ADAT3: variants seen among roughly 807,000 people sequenced by gnomAD.
The protein encoded by ADAT3 is tRNA-specific adenosine-34 deaminase regulatory subunit ADAT3.
Under a neutral mutation model 3.5 loss-of-function variants are expected in ADAT3, and 2 were observed. The observed-to-expected ratio is 0.57, with a 90% confidence interval of 0.23 to 1.79. The LOEUF (loss-of-function observed/expected upper bound fraction) is 1.79. Among genes scored for constraint, ADAT3 ranks in the 40% most tolerant of loss-of-function variants. The pLI is 0.18. For missense variants in ADAT3, 735 were observed against 571.4 expected (o/e 1.29, Z -2.92); for synonymous variants, 358 against 270.3 (o/e 1.32, Z -3.18).
In ADAT3 at chr19:1,913,162, C is replaced by G. The variant is rs2013589689; in HGVS notation, c.*11C>G. Reference sequence around the variant, plus strand: ...GACCCCGACACGTAGGCGCCGCCCTCCTGCCTCCGGACCCTTCCCGCTCCC... The same window carrying G: ...GACCCCGACACGTAGGCGCCGCCCTGCTGCCTCCGGACCCTTCCCGCTCCC... On this transcript the variant is annotated 3_prime_UTR_variant, in exon 2 of 2. Coordinates refer to ENST00000329478, the MANE Select transcript of ADAT3 (RefSeq NM_138422.4). The G allele has an allele frequency of 6.6e-7, 1 of 1,525,156 alleles. No individual in the cohort carries two copies. Among genetic ancestry groups the G allele is most frequent in the Admixed American group, 2.0e-5 (1 of 50,010 alleles). The allele number at this position is 1,525,156 out of a possible 1,614,324, so 94.5% of individuals were successfully genotyped here.
intron 1 of ADAT3, among the ~76,000 whole-genome samples, chr19:1,910,993 A>C (rs1040228747): frequency 2.6e-5 from 4 of 151,932 alleles, no homozygotes; most frequent in African/African-American, 7.3e-5. Context: ...TGCAAGCCTC[A>C]GCCTCCCTAG....
intron 1 of ADAT3, among the ~76,000 whole-genome samples, chr19:1,911,413 C>T (rs1435367880): frequency 2.0e-5 from 3 of 152,052 alleles, no homozygotes; most frequent in Non-Finnish European, 4.4e-5. Context: ...CTCAAGTGAT[C>T]CCCCCACCTC....
rs899632590 is a variant in ADAT3 at position 1,912,652 on chromosome 19, G to T, written c.605G>T (p.Arg202Leu). Residue 202 changes from arginine to leucine, a missense_variant, in exon 2 of 2, where the codon CGG becomes CTG. Arg to Leu is a moderately radical substitution (Grantham distance 102). Coordinates refer to ENST00000329478, the MANE Select transcript of ADAT3 (RefSeq NM_138422.4). The stretch of plus-strand genomic sequence containing the variant: ...GAGCGGGCGGTGTGGGCGGCCCGGC[G>T]GGCAGCAGCGCGGGGCTTGCGGGCC... Reference protein sequence around the residue: ...HMERAVWAARRAAARGLRAVG... With the variant: ...HMERAVWAARLAAARGLRAVG... 18 of 1,422,022 alleles carry T rather than the reference G, an allele frequency of 1.3e-5. No individual in the cohort carries two copies. The Middle Eastern group carries it at 7.5e-4, about 59-fold the overall frequency. The allele number at this position is 1,422,022 out of a possible 1,614,324, so 88.1% of individuals were successfully genotyped here.
chr19:1,909,072 T>C (rs2013293792), intron 1 of ADAT3, among the ~76,000 whole-genome samples: 1 of 149,982 alleles, frequency 6.7e-6, no homozygotes, highest in Admixed American at 6.7e-5. Context: ...GCCACTGCAC[T>C]CCAGCCTGGG....
At position 1,912,083 on chromosome 19, in the gene ADAT3, G is replaced by A. The variant is rs546800224; in HGVS notation, c.36G>A (p.Ser12=). Reference sequence around the variant, plus strand: ...GCTCCCGTCTCTGTCTCCCACAGTCGGCCTCGCTGAGGATGGAGCCCGCCC... The same window carrying A: ...GCTCCCGTCTCTGTCTCCCACAGTCAGCCTCGCTGAGGATGGAGCCCGCCC... The part of the protein sequence containing the change: ...ILCSRLCLPQ[S]ASLRMEPAPG... Residue 12 remains serine, a synonymous_variant, in exon 2 of 2, where the codon TCG becomes TCA. Coordinates refer to ENST00000329478, the MANE Select transcript of ADAT3 (RefSeq NM_138422.4). The A allele has an allele frequency of 2.9e-5, 42 of 1,459,360 alleles. No individual in the cohort carries two copies. Among genetic ancestry groups the A allele is most frequent in the Non-Finnish European group, 3.6e-5 (40 of 1,110,420 alleles). 90.4% of individuals were successfully genotyped at this position (1,459,360 alleles called of 1,614,324 possible).
Position 1,912,658 on chromosome 19 carries a change from C to T in ADAT3, c.611C>T (p.Ala204Val). Residue 204 changes from alanine (A) to valine (V), a missense_variant, in exon 2 of 2, where the codon GCA becomes GTA. Physicochemically the swap from Ala to Val is moderately conservative, Grantham distance 64. Coordinates refer to ENST00000329478, the MANE Select transcript of ADAT3 (RefSeq NM_138422.4). The stretch of plus-strand genomic sequence containing the variant: ...GCGGTGTGGGCGGCCCGGCGGGCAG[C>T]AGCGCGGGGCTTGCGGGCCGTGGGG... Reference protein sequence around the residue: ...ERAVWAARRAAARGLRAVGAV... With the variant: ...ERAVWAARRAVARGLRAVGAV... 1 of 1,415,642 alleles carries T rather than the reference C, an allele frequency of 7.1e-7. No individual in the cohort carries two copies. The allele number at this position is 1,415,642 out of a possible 1,614,324, so 87.7% of individuals were successfully genotyped here. A position where few individuals can be genotyped will look rare whatever the true frequency, so the allele number is the denominator to read the frequency against.
At position 1,912,460 on chromosome 19, in the gene ADAT3, A is replaced by C; in HGVS notation, c.413A>C (p.Gln138Pro). 6.6e-7 allele frequency: 1 copy of C among 1,505,348 alleles called. No homozygotes were observed. Among genetic ancestry groups the C allele is most frequent in the Non-Finnish European group, 8.8e-7 (1 of 1,134,286 alleles). The allele number at this position is 1,505,348 out of a possible 1,614,324, so 93.2% of individuals were successfully genotyped here. ...RPAVDPRGLG[Q>P]PFLVPVPARP... ...GCTGTGGACCCCCGCGGCCTGGGGC[A>C]ACCCTTCCTGGTGCCCGTGCCCGCC... The change falls in exon 2 of 2, where the codon CAA becomes CCA. Residue 138 changes from glutamine to proline, a missense_variant. Gln to Pro is a moderately conservative substitution (Grantham distance 76). Transcript: ENST00000329478.
chr19:1,909,319 C>A (rs557735261), intron 1 of ADAT3, among the ~76,000 whole-genome samples: 3 of 152,144 alleles, frequency 2.0e-5, no homozygotes, highest in Admixed American at 6.6e-5. Context: ...GGCTGGCTGT[C>A]CCCACGCCTG....
rs1336516407 is a variant in ADAT3, at chr19:1,908,516, G to A, written c.-159+3077G>A. 2.1e-6 allele frequency: 1 copy of A among 471,176 alleles called. No individual in the cohort carries two copies. The highest frequency in any genetic ancestry group is 6.9e-5 in the East Asian group (1 of 14,398). The allele number at this position is 471,176 out of a possible 1,614,324, so 29.2% of individuals were successfully genotyped here. A position where few individuals can be genotyped will look rare whatever the true frequency, so the allele number is the denominator to read the frequency against. On this transcript the variant is annotated intron_variant, in intron 1 of 1. Coordinates refer to ENST00000329478, the MANE Select transcript of ADAT3 (RefSeq NM_138422.4). This position sits in a 1 kb window ranked among gnomAD's most constrained non-coding sequence, Gnocchi z 4.2. ...AGGAGCCGTCCATACCAGCGGGGATGTGTAGTCCAGGCTGGCAGTTCAGGA... is the reference window on the plus strand; with the variant it reads ...AGGAGCCGTCCATACCAGCGGGGATATGTAGTCCAGGCTGGCAGTTCAGGA...
In ADAT3 at chr19:1,913,366, G is replaced by C; in HGVS notation, c.*215G>C. 1 of 692,302 alleles carries C rather than the reference G, an allele frequency of 1.4e-6. No individual in the cohort carries two copies. Among genetic ancestry groups the C allele is most frequent in the South Asian group, 2.0e-5 (1 of 49,564 alleles). 42.9% of individuals were successfully genotyped at this position (692,302 alleles called of 1,614,324 possible). A position where few individuals can be genotyped will look rare whatever the true frequency, so the allele number is the denominator to read the frequency against. ...CCCGTGCCAGCGGTGCCCTTCTGCG[G>C]CCGCCCTTGCTGCGTTTGTGTCCCC... On this transcript the variant is annotated 3_prime_UTR_variant, in exon 2 of 2. Transcript: ENST00000329478.
intron 1 of ADAT3, 77 bp downstream of exon 1, chr19:1,905,516 G>T (rs1041686851): frequency 4.0e-5 from 15 of 378,232 alleles, no homozygotes; most frequent in South Asian, 1.8e-5. Flanking sequence ...TGACATGGGG[G>T]GTCTCGGCGG....
Position 1,912,536 on chromosome 19 carries a change from C to G in ADAT3, c.489C>G (p.Pro163=). The stretch of plus-strand genomic sequence containing the variant: ...TCGAGGAGGCCCGGGCCCACTGGCC[C>G]ACGTCCTTCCACGAGGACAAGCAGG... The part of the protein sequence containing the change: ...GQFEEARAHW[P]TSFHEDKQVT... Residue 163 remains proline, a synonymous_variant, in exon 2 of 2, where the codon CCC becomes CCG. Transcript: ENST00000329478. The G allele has an allele frequency of 2.7e-6, 4 of 1,500,320 alleles. No individual in the cohort carries two copies. The highest frequency in any genetic ancestry group is 2.7e-6 in the Non-Finnish European group (3 of 1,131,886). The allele number at this position is 1,500,320 out of a possible 1,614,324, so 92.9% of individuals were successfully genotyped here.
Position 1,913,110 on chromosome 19 carries a change from G to C in ADAT3, c.1063G>C (p.Val355Leu), listed in dbSNP as rs750059837. 7 of 1,591,742 alleles carry C rather than the reference G, an allele frequency of 4.4e-6. No individual in the cohort carries two copies. The highest frequency in any genetic ancestry group is 2.7e-5 in the African/African-American group (2 of 74,526). ...LNHRFQVFRG[V>L]LEEQCRWLDP... ...CCACCGCTTCCAGGTGTTCCGCGGG[G>C]TGCTGGAGGAGCAGTGCCGCTGGCT... is the stretch of plus-strand genomic sequence containing the variant. Residue 355 changes from valine to leucine, a missense_variant, in exon 2 of 2, where the codon GTG becomes CTG. Physicochemically the swap from Val to Leu is conservative, Grantham distance 32. Transcript: ENST00000329478.
chr19:1,911,648 T>C (rs766012643), intron 1 of ADAT3, among the ~76,000 whole-genome samples: 36 of 152,106 alleles, frequency 2.4e-4, no homozygotes, highest in Non-Finnish European at 5.0e-4. Flanking sequence ...TCGGGCGTGG[T>C]GGCGCATGCC....
Position 1,912,865 on chromosome 19 carries a change from C to G in ADAT3, c.818C>G (p.Pro273Arg), listed in dbSNP as rs267605366. 5 of 1,600,334 alleles carry G rather than the reference C, an allele frequency of 3.1e-6. No individual in the cohort carries two copies. The highest frequency in any genetic ancestry group is 4.2e-6 in the Non-Finnish European group (5 of 1,177,832). ...PACSFAPAAA[P>R]QAVRAGAVRK... The stretch of plus-strand genomic sequence containing the variant: ...TGCTCCTTCGCCCCGGCCGCTGCCC[C>G]CCAGGCCGTCCGCGCAGGCGCCGTG... The change falls in exon 2 of 2, where the codon CCC becomes CGC. Residue 273 changes from proline to arginine, a missense_variant. Transcript: ENST00000329478.
chr19:1,911,311 AC>A (rs765170004), intron 1 of ADAT3, among the ~76,000 whole-genome samples: 138 of 152,062 alleles, frequency 9.1e-4, no homozygotes, highest in Non-Finnish European at 1.0e-3. Flanking sequence ...AGCTGAAACC[AC>A]CGGTGTGTGC....
chr19:1,907,845 C>T (rs1568759528), intron 1 of ADAT3, among the ~76,000 whole-genome samples: 3 of 152,076 alleles, frequency 2.0e-5, no homozygotes, highest in South Asian at 2.1e-4. Context: ...GGGAGTGAGT[C>T]GTCCCCCCGG....
intron 1 of ADAT3, among the ~76,000 whole-genome samples, chr19:1,907,614 C>G (rs1568759301): frequency 6.6e-6 from 1 of 152,152 alleles, no homozygotes; most frequent in Non-Finnish European, 1.5e-5. Flanking sequence ...ATAAAGGCCT[C>G]CCAGCCTCCT....
chr19:1,905,564 G>T (rs1287790747), intron 1 of ADAT3, 125 bp downstream of exon 1: 1 of 249,294 alleles, frequency 4.0e-6, no homozygotes, highest in Non-Finnish European at 9.0e-6. Flanking sequence ...AAAACGGGGG[G>T]CCCAGGCCAG....
Sources: allele counts gnomAD v4.1 joint callset (sites outside exome capture counted in the v4.1 genomes callset), GRCh38; gene constraint gnomAD v4.1.1; non-coding constraint Gnocchi (gnomAD v3.1); transcripts MANE v1.5; gene names NCBI Gene and HGNC (gene_info 2026-07-23, HGNC 2026-07-21).